Variants in TPRG1 observed in about 807,000 individuals in gnomAD.
The protein encoded by TPRG1 is tumor protein p63-regulated gene 1 protein.
TPRG1 carries 29 observed loss-of-function variants against 29.3 expected under a neutral mutation model. The observed-to-expected ratio is 0.99, with a 90% confidence interval of 0.74 to 1.35. The LOEUF is 1.35. Ranked by LOEUF, TPRG1 falls within the 40% of genes most tolerant of loss-of-function variation. TPRG1 has a pLI of 0.00. For synonymous variants in TPRG1, 130 were observed against 116.8 expected (o/e 1.11, Z -0.73); for missense variants, 327 against 335.0 (o/e 0.98, Z 0.19).
At chr3:189,285,958 G>A (rs1375139083) in intron 4 of TPRG1, among the ~76,000 whole-genome samples, 1 of 151,964 alleles carries the variant, frequency 6.6e-6, no homozygotes, top group Non-Finnish European at 1.5e-5. Flanking sequence ...TCTCCTGCAT[G>A]TTAGTCTTGC....
intron 4 of TPRG1, among the ~76,000 whole-genome samples, chr3:189,297,129 C>T (rs549975791): frequency 1.4e-4 from 21 of 152,186 alleles, no homozygotes; most frequent in East Asian, 3.9e-4. Flanking sequence ...TACAGGCACG[C>T]GCCACCAAGC....
intron 3 of TPRG1, among the ~76,000 whole-genome samples, chr3:189,228,681 C>A: frequency 6.6e-6 from 1 of 152,154 alleles, no homozygotes; most frequent in Non-Finnish European, 1.5e-5. Flanking sequence ...TAATTGTTCC[C>A]CCCTAAGATT....
At chr3:189,174,498 A>C (rs550236838) in intron 1 of TPRG1, among the ~76,000 whole-genome samples, 17 of 152,246 alleles carry the variant, frequency 1.1e-4, no homozygotes, top group African/African-American at 3.9e-4. Context: ...TCCACTTCTG[A>C]TCTCTTCCAA....
intron 2 of TPRG1, among the ~76,000 whole-genome samples, chr3:189,129,099 G>A (rs1309902638): frequency 6.6e-6 from 1 of 152,176 alleles, no homozygotes; most frequent in East Asian, 1.9e-4. Context: ...ATTCACTAAA[G>A]TATGGACTTT....
intron 4 of TPRG1, among the ~76,000 whole-genome samples, chr3:189,303,426 C>G (rs1028508917): frequency 1.3e-5 from 2 of 152,096 alleles, no homozygotes; most frequent in Non-Finnish European, 2.9e-5. Context: ...CCTCTAGACA[C>G]TATCCAATCC....
chr3:189,018,407 A>T (rs1156240674), intron 3 of TPRG1, among the ~76,000 whole-genome samples: 4 of 147,862 alleles, frequency 2.7e-5, no homozygotes, highest in African/African-American at 9.9e-5. Flanking sequence ...TGATTTTTGT[A>T]TAAGGTGTAA....
rs9815827 is a variant in TPRG1, at chr3:189,077,982, C to T, written c.-462-49075C>T. Among the ~76,000 whole-genome samples the T allele has an allele frequency of 2.1e-3, 322 of 151,494 alleles. 3 individuals carry two copies. Among genetic ancestry groups the T allele is most frequent in the African/African-American group, 7.6e-3 (313 of 41,196 alleles). On this transcript the variant is annotated intron_variant, in intron 4 of 10. Coordinates refer to the TPRG1 transcript ENST00000433971. ...CTGTGCTTTGAAGAACTCTCTTGGT[C>T]TCATTAATATTTCTCCTAAAAACCT...
At chr3:189,178,681 G>C (rs1042372269) in intron 1 of TPRG1, among the ~76,000 whole-genome samples, 2 of 152,142 alleles carry the variant, frequency 1.3e-5, no homozygotes, top group South Asian at 2.1e-4. Flanking sequence ...GAATCAGACA[G>C]CAAATTAATA....
At chr3:189,243,028 A>G (rs1740862573) in intron 4 of TPRG1, among the ~76,000 whole-genome samples, 1 of 151,978 alleles carries the variant, frequency 6.6e-6, no homozygotes, top group South Asian at 2.1e-4. Context: ...CTTTCCTCAT[A>G]TTGGTGATTT....
At chr3:189,292,292 C>CTTTTTTTTTTTTTT (rs11459415) in intron 4 of TPRG1, among the ~76,000 whole-genome samples, 1 of 114,928 alleles carries the variant, frequency 8.7e-6, no homozygotes, top group Non-Finnish European at 1.8e-5. Flanking sequence ...GAAGTTTTTG[C>CTTTTTTTTTTTTTT]TTTTTTTTTT....
At chr3:189,200,392 C>CA (rs1733279584) in intron 1 of TPRG1, among the ~76,000 whole-genome samples, 2 of 152,216 alleles carry the variant, frequency 1.3e-5, no homozygotes, top group Admixed American at 6.5e-5. Context: ...CGGAGAGACT[C>CA]ACGGAAGCCT....
chr3:189,274,394 C>A (rs993260845), intron 4 of TPRG1, among the ~76,000 whole-genome samples: 1 of 150,052 alleles, frequency 6.7e-6, no homozygotes, highest in African/African-American at 2.4e-5. Flanking sequence ...ATGTAATTGC[C>A]GTTTGTTCAG....
At chr3:189,092,473 A>G (rs974133332) in intron 4 of TPRG1, among the ~76,000 whole-genome samples, 5 of 147,752 alleles carry the variant, frequency 3.4e-5, no homozygotes, top group African/African-American at 5.2e-5. Flanking sequence ...TCTTCTATTA[A>G]TTCTGTTTTC....
chr3:189,207,328 G>A, intron 1 of TPRG1, 48 bp from the exon 2 acceptor site: 1 of 1,601,366 alleles, frequency 6.2e-7, no homozygotes. Context: ...TAGGACACAG[G>A]TACAGAGGTA....
intron 1 of TPRG1, among the ~76,000 whole-genome samples, chr3:188,999,838 T>C (rs1234277009): frequency 6.6e-6 from 1 of 152,144 alleles, no homozygotes; most frequent in Non-Finnish European, 1.5e-5. Flanking sequence ...CTTTCACATA[T>C]ATACATATAT....
At chr3:189,181,012 G>T (rs1730144867) in intron 1 of TPRG1, among the ~76,000 whole-genome samples, 1 of 152,164 alleles carries the variant, frequency 6.6e-6, no homozygotes. Flanking sequence ...AGTAGAAGCT[G>T]CCAAGGCTTG....
chr3:189,060,289 A>G (rs1229496258), intron 4 of TPRG1, among the ~76,000 whole-genome samples: 1 of 152,160 alleles, frequency 6.6e-6, no homozygotes, highest in Non-Finnish European at 1.5e-5. Flanking sequence ...GAAGGAACAT[A>G]CCTCAAAATA....
chr3:189,043,270 A>G (rs755716084), intron 4 of TPRG1, among the ~76,000 whole-genome samples: 1 of 152,216 alleles, frequency 6.6e-6, no homozygotes, highest in African/African-American at 2.4e-5. Flanking sequence ...GGGAAACAAC[A>G]TGATGGGGAT....
At chr3:189,258,453 G>A (rs551902577) in intron 4 of TPRG1, among the ~76,000 whole-genome samples, 11 of 152,240 alleles carry the variant, frequency 7.2e-5, no homozygotes, top group South Asian at 6.2e-4. Context: ...CCTGCTGGAC[G>A]TGTCTCCCCA....
Sources: gnomAD v4.1 joint callset for allele counts (sites outside exome capture counted in the v4.1 genomes callset) on GRCh38, gnomAD v4.1.1 for gene constraint, MANE v1.5 for transcripts, NCBI Gene and HGNC (gene_info 2026-07-23, HGNC 2026-07-21) for gene names.